The following GRID1 variants were observed in gnomAD, a reference collection of about 807,000 sequenced individuals.
The protein encoded by GRID1 is glutamate ionotropic receptor delta type subunit 1, also known as glutamate receptor ionotropic, delta-1.
Under a neutral mutation model 98.0 loss-of-function variants are expected in GRID1, and 28 were observed. The observed-to-expected ratio is 0.29, with a 90% CI of 0.21 to 0.39. GRID1 has a LOEUF of 0.39. Among genes scored for constraint, GRID1 ranks in the 10% least tolerant of loss-of-function variants. The pLI, the probability that GRID1 is intolerant of heterozygous loss-of-function variation, is 1.00. For missense variants in GRID1, 1,111 were observed against 1,340.5 expected (o/e 0.83, Z 2.67); for synonymous variants, 553 against 538.5 (o/e 1.03, Z -0.37).
intron 4 of GRID1, among the ~76,000 whole-genome samples, chr10:86,102,613 T>C (rs1844312767): frequency 6.6e-6 from 1 of 152,130 alleles, no homozygotes; most frequent in Admixed American, 6.5e-5. Context: ...GCAGGCCTGA[T>C]CCCCACAACA....
At chr10:85,770,296 G>A (rs1842248757) in intron 8 of GRID1, among the ~76,000 whole-genome samples, 1 of 152,090 alleles carries the variant, frequency 6.6e-6, no homozygotes, top group Non-Finnish European at 1.5e-5. Context: ...CTAACAAACA[G>A]AAAGGACATC....
chr10:86,083,343 C>T (rs1844004418), intron 4 of GRID1, among the ~76,000 whole-genome samples: 1 of 152,128 alleles, frequency 6.6e-6, no homozygotes, highest in Non-Finnish European at 1.5e-5. Flanking sequence ...CCATCGTTTC[C>T]ATCTTCTAAG....
rs185789438 is a variant in GRID1 at position 85,635,749 on chromosome 10, G to T, written c.2193+11453C>A. 4.7e-3 allele frequency among the ~76,000 whole-genome samples: 718 copies of T among 152,294 alleles called. 6 individuals are homozygous for T. Among genetic ancestry groups the T allele is most frequent in the African/African-American group, 0.017 (689 of 41,560 alleles). On this transcript the variant is annotated intron_variant, in intron 13 of 15. Coordinates refer to ENST00000327946, the MANE Select transcript of GRID1 (RefSeq NM_017551.3). ...CTCTGGGATGCACTGTGTGGTAAGGGGAAAGGGAAAGCCCAGGGAAGGCTC... is the reference window on the plus strand; with the variant it reads ...CTCTGGGATGCACTGTGTGGTAAGGTGAAAGGGAAAGCCCAGGGAAGGCTC...
intron 3 of GRID1, among the ~76,000 whole-genome samples, chr10:86,201,513 C>T (rs1031489796): frequency 6.6e-6 from 1 of 152,058 alleles, no homozygotes; most frequent in African/African-American, 2.4e-5. Context: ...CAACAACACA[C>T]ACTGGGGCCT....
chr10:85,621,207 C>T (rs1239609840), intron 13 of GRID1, among the ~76,000 whole-genome samples: 1 of 152,192 alleles, frequency 6.6e-6, no homozygotes, highest in African/African-American at 2.4e-5. Flanking sequence ...AGTGAGCACA[C>T]AGACACCCCT....
chr10:85,769,086 T>C (rs1248543921), intron 8 of GRID1, among the ~76,000 whole-genome samples: 1 of 152,068 alleles, frequency 6.6e-6, no homozygotes, highest in African/African-American at 2.4e-5. Flanking sequence ...GTAATGTACC[T>C]GTAAAAAAAA....
intron 4 of GRID1, among the ~76,000 whole-genome samples, chr10:86,024,485 T>C (rs1843090603): frequency 6.6e-6 from 1 of 152,160 alleles, no homozygotes; most frequent in Non-Finnish European, 1.5e-5. Flanking sequence ...TAAAATAAGC[T>C]TGGCTAAATT....
chr10:85,708,735 A>G (rs1224091024), intron 12 of GRID1: 1 of 153,370 alleles, frequency 6.5e-6, no homozygotes, highest in Non-Finnish European at 1.5e-5. Flanking sequence ...TAACACATAC[A>G]CCCATTGCAG....
intron 3 of GRID1, among the ~76,000 whole-genome samples, chr10:86,159,660 GA>G (rs1355882213): frequency 2.0e-5 from 3 of 152,188 alleles, no homozygotes; most frequent in African/African-American, 7.2e-5. Context: ...TGTGCCACAG[GA>G]CACAGCTTCG....
intron 8 of GRID1, among the ~76,000 whole-genome samples, chr10:85,774,176 C>G (rs1842304285): frequency 6.6e-6 from 1 of 152,162 alleles, no homozygotes; most frequent in African/African-American, 2.4e-5. Context: ...CGCCGCATAT[C>G]TACAACTATC....
chr10:86,004,146 G>A (rs547491181), intron 4 of GRID1, among the ~76,000 whole-genome samples: 13 of 152,324 alleles, frequency 8.5e-5, no homozygotes, highest in South Asian at 8.3e-4. Context: ...CCTAAGTTCC[G>A]TACTAGGCAG....
At chr10:86,268,061 C>A (rs1847130792) in intron 2 of GRID1, among the ~76,000 whole-genome samples, 1 of 152,208 alleles carries the variant, frequency 6.6e-6, no homozygotes, top group Admixed American at 6.5e-5. Flanking sequence ...TGGGTTATAA[C>A]TGTCCCTTCC....
rs370923342 is a variant in GRID1 at position 86,150,587 on chromosome 10, T to C, written c.521-11563A>G. On this transcript the variant is annotated intron_variant, in intron 3 of 15. Transcript: ENST00000327946. ...TTGTTAATGCCACAGCCAGATGACA[T>C]CTCTCCATGGTATGGCCAAACCAAT... Among the ~76,000 whole-genome samples the C allele has an allele frequency of 2.2e-4, 34 of 152,332 alleles. 1 individual carries two copies. The highest frequency in any genetic ancestry group is 1.4e-3 in the Admixed American group (21 of 15,300).
intron 4 of GRID1, among the ~76,000 whole-genome samples, chr10:85,960,910 A>G (rs1842257254): frequency 6.6e-6 from 1 of 151,702 alleles, no homozygotes; most frequent in African/African-American, 2.4e-5. Context: ...AGGAGGGAGG[A>G]GGGGCTTCTG....
At chr10:85,820,169 AAG>A (rs1286988538) in intron 8 of GRID1, among the ~76,000 whole-genome samples, 5 of 147,902 alleles carry the variant, frequency 3.4e-5, no homozygotes, top group South Asian at 2.2e-4. Flanking sequence ...GAAAGAAAGA[AAG>A]AGAAAAGAAA....
intron 4 of GRID1, among the ~76,000 whole-genome samples, chr10:85,928,231 G>T (rs909167280): frequency 1.3e-5 from 2 of 152,192 alleles, no homozygotes; most frequent in African/African-American, 4.8e-5. Flanking sequence ...AGAAAGAGGC[G>T]GAGGATCGTT....
intron 2 of GRID1, among the ~76,000 whole-genome samples, chr10:86,252,078 C>T (rs1279717166): frequency 6.6e-6 from 1 of 152,230 alleles, no homozygotes; most frequent in African/African-American, 2.4e-5. Flanking sequence ...CCTGGAGTTG[C>T]TCCACTACTA....
chr10:86,227,073 C>G (rs942195463), intron 2 of GRID1, among the ~76,000 whole-genome samples: 3 of 152,238 alleles, frequency 2.0e-5, no homozygotes, highest in Non-Finnish European at 4.4e-5. Context: ...TCCAAAGCCA[C>G]AGAGTCAAGA....
intron 2 of GRID1, among the ~76,000 whole-genome samples, chr10:86,210,997 G>A (rs915042003): frequency 6.6e-6 from 1 of 152,230 alleles, no homozygotes; most frequent in African/African-American, 2.4e-5. Context: ...AGCTGGGACT[G>A]TGGGTGAGGG....
Sources: gnomAD v4.1 joint callset for allele counts (sites outside exome capture counted in the v4.1 genomes callset) on GRCh38, gnomAD v4.1.1 for gene constraint, MANE v1.5 for transcripts, NCBI Gene and HGNC (gene_info 2026-07-23, HGNC 2026-07-21) for gene names.